Variants in BAIAP2L1 observed in about 807,000 individuals in gnomAD.
BAIAP2L1 encodes BAR/IMD domain containing adaptor protein 2 like 1.
Under a neutral mutation model 66.3 loss-of-function variants are expected in BAIAP2L1, and 35 were observed. The observed-to-expected ratio is 0.53, with a 90% CI of 0.40 to 0.70. The LOEUF (loss-of-function observed/expected upper bound fraction) is 0.70. BAIAP2L1 is among the 30% of genes least tolerant of loss of function. The pLI is 0.00. For missense variants in BAIAP2L1, 622 were observed against 656.9 expected, an observed-to-expected ratio of 0.95 and a Z score of 0.58; for synonymous variants, 269 against 248.7, an observed-to-expected ratio of 1.08 and a Z score of -0.77.
Position 98,330,786 on chromosome 7 carries a change from C to T in BAIAP2L1, c.215-10488G>A, listed in dbSNP as rs182504766. Among the ~76,000 whole-genome samples, 402 of 152,256 alleles carry T rather than the reference C, an allele frequency of 2.6e-3. 2 individuals are homozygous for T. The highest frequency in any genetic ancestry group is 3.9e-3 in the Non-Finnish European group (267 of 68,022). On this transcript the variant is annotated intron_variant, in intron 3 of 13. Coordinates refer to ENST00000005260, the MANE Select transcript of BAIAP2L1 (RefSeq NM_018842.5). ...CTCATAGCAGAAGGCAACGTGGGCA[C>T]AGGCATGTCACATGGTGTGAGAGGG...
Position 98,292,287 on chromosome 7 carries a change from A to T in BAIAP2L1, c.*1234T>A, listed in dbSNP as rs894656333. 1 of 312,152 alleles carries T rather than the reference A, an allele frequency of 3.2e-6. No homozygotes were observed. 19.3% of individuals were successfully genotyped at this position (312,152 alleles called of 1,614,324 possible). A position where few individuals can be genotyped will look rare whatever the true frequency, so the allele number is the denominator to read the frequency against. On this transcript the variant is annotated 3_prime_UTR_variant, in exon 14 of 14. Transcript: ENST00000005260. ...GGCCGGGCTGGAGTGCAGCAGCATG[A>T]TCTGGCTCACTGCAACCTCTGCCTC...
At chr7:98,313,508 C>T (rs985421495) in intron 7 of BAIAP2L1, among the ~76,000 whole-genome samples, 2 of 151,640 alleles carry the variant, frequency 1.3e-5, no homozygotes, top group African/African-American at 4.9e-5. Flanking sequence ...GATGCCCTCA[C>T]TCTGGGAAGA....
chr7:98,305,473 A>T (rs1189036449), intron 11 of BAIAP2L1, among the ~76,000 whole-genome samples: 1 of 152,098 alleles, frequency 6.6e-6, no homozygotes, highest in Non-Finnish European at 1.5e-5. Context: ...TCGGACCTGG[A>T]GGCCTTCTAC....
chr7:98,377,158 T>C (rs1054472480), intron 1 of BAIAP2L1, among the ~76,000 whole-genome samples: 2 of 152,140 alleles, frequency 1.3e-5, no homozygotes, highest in African/African-American at 4.8e-5. Context: ...CACTTATATA[T>C]AGATATACAT....
chr7:98,390,970 A>G (rs531028416), intron 1 of BAIAP2L1, among the ~76,000 whole-genome samples: 2 of 150,080 alleles, frequency 1.3e-5, no homozygotes, highest in African/African-American at 4.9e-5. Context: ...AGTAGCTGGG[A>G]CTACAGGCGC....
chr7:98,292,985 G>A lies in BAIAP2L1; in HGVS notation c.*536C>T, dbSNP rs1800033684. On this transcript the variant is annotated 3_prime_UTR_variant, in exon 14 of 14. Coordinates refer to ENST00000005260, the MANE Select transcript of BAIAP2L1 (RefSeq NM_018842.5). ...GAGGGTGGGGGTTTCTCCATCTCTG[G>A]AAGCTCTACACTTAAACATTTTAAG... The A allele has an allele frequency of 8.5e-7, 1 of 1,178,170 alleles. No individual in the cohort carries two copies. Among genetic ancestry groups the A allele is most frequent in the African/African-American group, 1.6e-5 (1 of 62,746 alleles). 73.0% of individuals were successfully genotyped at this position (1,178,170 alleles called of 1,614,324 possible).
In BAIAP2L1 at chr7:98,310,514, G is replaced by T. The variant is rs1424091703; in HGVS notation, c.886C>A (p.Pro296Thr). ...GGGTTATTAAACATATCGATCAAGG[G>T]ACTGGTATATGCTCTGCCTGAAGGA... The part of the protein sequence containing the change: ...PAPSGRAYTS[P>T]LIDMFNNPAT... The change falls in exon 9 of 14, where the codon CCC (proline) becomes ACC (threonine). Residue 296 changes from proline (P) to threonine (T), a missense_variant. By Grantham distance (38) the Pro-to-Thr change is conservative. Coordinates refer to ENST00000005260, the MANE Select transcript of BAIAP2L1 (RefSeq NM_018842.5). 1 of 1,606,314 alleles carries T rather than the reference G, an allele frequency of 6.2e-7. No individual in the cohort carries two copies. Among genetic ancestry groups the T allele is most frequent in the Non-Finnish European group, 8.5e-7 (1 of 1,177,812 alleles).
chr7:98,321,150 T>G (rs1311212720), intron 3 of BAIAP2L1, among the ~76,000 whole-genome samples: 11 of 152,212 alleles, frequency 7.2e-5, no homozygotes, highest in Admixed American at 6.5e-4. Flanking sequence ...TGAGCCACTG[T>G]ACCTGGCCCA....
intron 12 of BAIAP2L1, among the ~76,000 whole-genome samples, chr7:98,296,870 A>G (rs1342373981): frequency 6.6e-6 from 1 of 152,148 alleles, no homozygotes; most frequent in Non-Finnish European, 1.5e-5. Context: ...AGGGTCTCAC[A>G]GCATCCTCCC....
intron 13 of BAIAP2L1, 98 bp from the exon 14 acceptor site, chr7:98,293,694 C>CAA: frequency 2.5e-6 from 3 of 1,183,820 alleles, no homozygotes; most frequent in South Asian, 1.2e-5. Flanking sequence ...TGAGACTGGG[C>CAA]GGCTGACCAC....
At chr7:98,344,015 C>T (rs982231936) in intron 3 of BAIAP2L1, among the ~76,000 whole-genome samples, 5 of 152,144 alleles carry the variant, frequency 3.3e-5, no homozygotes, top group African/African-American at 1.2e-4. Context: ...CCCATCTCTA[C>T]TAAAAATACA....
chr7:98,300,953 C>T (rs1800396039), intron 12 of BAIAP2L1, among the ~76,000 whole-genome samples: 1 of 152,190 alleles, frequency 6.6e-6, no homozygotes, highest in African/African-American at 2.4e-5. Context: ...TCCCAGGAAC[C>T]CTGGCCTCTC....
At chr7:98,328,442 G>A (rs1801421620) in intron 3 of BAIAP2L1, among the ~76,000 whole-genome samples, 1 of 152,108 alleles carries the variant, frequency 6.6e-6, no homozygotes, top group Non-Finnish European at 1.5e-5. Flanking sequence ...TTGGAGCTGT[G>A]GTATTCTCAT....
chr7:98,388,686 C>A (rs745625830), intron 1 of BAIAP2L1, among the ~76,000 whole-genome samples: 1 of 152,134 alleles, frequency 6.6e-6, no homozygotes, highest in Non-Finnish European at 1.5e-5. Context: ...TAAATAATCA[C>A]AACTGGGCCA....
At chr7:98,300,656 A>C (rs1338719944) in intron 12 of BAIAP2L1, among the ~76,000 whole-genome samples, 2 of 151,854 alleles carry the variant, frequency 1.3e-5, no homozygotes, top group African/African-American at 4.8e-5. Context: ...CTACCTCCCC[A>C]GGAGGTCCCA....
rs117340735 is a variant in BAIAP2L1, at chr7:98,350,358, A to C, written c.214+4684T>G. Among the ~76,000 whole-genome samples, 373 of 152,120 alleles carry C rather than the reference A, an allele frequency of 2.5e-3. 14 individuals carry two copies. The East Asian group carries it at 0.063, about 26-fold the overall frequency. ...ACAAGATATCCAAAGGCTTAAAAAA[A>C]AAAACAAAACAGCAGAAGGCTGGGC... On this transcript the variant is annotated intron_variant, in intron 3 of 13. Transcript: ENST00000005260.
intron 5 of BAIAP2L1, among the ~76,000 whole-genome samples, chr7:98,318,494 C>G (rs1801146952): frequency 6.6e-6 from 1 of 151,950 alleles, no homozygotes; most frequent in Non-Finnish European, 1.5e-5. Flanking sequence ...GTCAGCCAGG[C>G]TGGTCTCGAA....
intron 2 of BAIAP2L1, among the ~76,000 whole-genome samples, chr7:98,357,690 A>G (rs2115706867): frequency 6.6e-6 from 1 of 152,248 alleles, no homozygotes; most frequent in Non-Finnish European, 1.5e-5. Context: ...GACTCAGAAC[A>G]ACCTTAAAGT....
intron 3 of BAIAP2L1, among the ~76,000 whole-genome samples, chr7:98,339,786 G>A (rs963129403): frequency 6.6e-6 from 1 of 152,190 alleles, no homozygotes; most frequent in African/African-American, 2.4e-5. Context: ...ACCCTTCACT[G>A]CAGGCCCAGC....
Sources: gnomAD v4.1 joint callset for allele counts (sites outside exome capture counted in the v4.1 genomes callset) on GRCh38, gnomAD v4.1.1 for gene constraint, MANE v1.5 for transcripts, NCBI Gene and HGNC (gene_info 2026-07-23, HGNC 2026-07-21) for gene names.